TBC1D12: variants seen among roughly 807,000 people sequenced by gnomAD.
TBC1D12 encodes TBC1 domain family, member 12.
Under a neutral mutation model 86.7 loss-of-function variants are expected in TBC1D12, and 56 were observed. The ratio of observed to expected loss-of-function variants is 0.65; its 90% CI spans 0.52 to 0.81. The LOEUF (loss-of-function observed/expected upper bound fraction) is 0.81. Ranked by LOEUF, TBC1D12 falls within the 30% of genes least tolerant of loss-of-function variation. The probability of loss-of-function intolerance (pLI) is 0.00; values close to 1 mark genes in which losing one functional copy is unlikely to be tolerated. For synonymous variants in TBC1D12, 421 were observed against 411.7 expected (o/e 1.02, Z -0.27); for missense variants, 1,023 against 1,038.8 (o/e 0.98, Z 0.21).
chr10:94,493,514 T>C, intron 4 of TBC1D12, 67 bp downstream of exon 4: 1 of 1,135,904 alleles, frequency 8.8e-7, no homozygotes, highest in Non-Finnish European at 1.3e-6. Context: ...GTAAAATTCA[T>C]CAAGTCTGTC....
At chr10:94,441,202 G>A (rs896829648) in intron 1 of TBC1D12, among the ~76,000 whole-genome samples, 3 of 151,308 alleles carry the variant, frequency 2.0e-5, no homozygotes, top group Admixed American at 2.0e-4. Context: ...TTCTTCCTTG[G>A]TTATATATTG....
At chr10:94,457,388 G>A (rs895897776) in intron 2 of TBC1D12, among the ~76,000 whole-genome samples, 13 of 152,172 alleles carry the variant, frequency 8.5e-5, no homozygotes, top group African/African-American at 2.9e-4. Context: ...ATACACTTTG[G>A]CAGTCTCTGT....
At chr10:94,429,734 C>T (rs1210152454) in intron 1 of TBC1D12, among the ~76,000 whole-genome samples, 1 of 151,820 alleles carries the variant, frequency 6.6e-6, no homozygotes, top group Non-Finnish European at 1.5e-5. Context: ...TGATTCTATC[C>T]CCTCCACTTT....
chr10:94,495,521 A>T (rs1435464191), intron 4 of TBC1D12, among the ~76,000 whole-genome samples: 2 of 152,180 alleles, frequency 1.3e-5, no homozygotes, highest in East Asian at 3.9e-4. Context: ...TTACTATGTA[A>T]GATAACTATT....
intron 9 of TBC1D12, among the ~76,000 whole-genome samples, chr10:94,513,283 A>G (rs577940110): frequency 6.7e-6 from 1 of 150,186 alleles, no homozygotes; most frequent in Non-Finnish European, 1.5e-5. Flanking sequence ...GGCTGGGCAC[A>G]GTGTCTCATA....
chr10:94,461,522 C>G (rs553556409), intron 2 of TBC1D12, among the ~76,000 whole-genome samples: 3 of 152,330 alleles, frequency 2.0e-5, no homozygotes, highest in Admixed American at 2.0e-4. Context: ...CCACAGTACT[C>G]AGTCTGAGGA....
intron 4 of TBC1D12, among the ~76,000 whole-genome samples, chr10:94,495,484 ATT>A (rs1332821528): frequency 6.6e-6 from 1 of 152,180 alleles, no homozygotes; most frequent in Non-Finnish European, 1.5e-5. Flanking sequence ...TTAAGTTTTT[ATT>A]AATTTTAAAA....
intron 2 of TBC1D12, among the ~76,000 whole-genome samples, chr10:94,471,309 G>C (rs115619055): frequency 0.012 from 1,793 of 148,600 alleles, 40 homozygotes; most frequent in African/African-American, 0.042. Flanking sequence ...CATTCCTCTC[G>C]TAGATACATA....
intron 6 of TBC1D12, among the ~76,000 whole-genome samples, chr10:94,506,202 A>G (rs1024290724): frequency 6.6e-6 from 1 of 151,686 alleles, no homozygotes; most frequent in African/African-American, 2.4e-5. Flanking sequence ...ATGCCCAGCT[A>G]AATTTTTTGT....
chr10:94,507,723 C>T (rs2056478228), intron 7 of TBC1D12, among the ~76,000 whole-genome samples: 1 of 152,150 alleles, frequency 6.6e-6, no homozygotes, highest in South Asian at 2.1e-4. Context: ...GGATGGCTCA[C>T]ACCTGTAATC....
chr10:94,495,972 G>A (rs2056315338), intron 4 of TBC1D12, among the ~76,000 whole-genome samples: 1 of 152,022 alleles, frequency 6.6e-6, no homozygotes, highest in Non-Finnish European at 1.5e-5. Context: ...GCATGGTGGT[G>A]TGACCCTGTA....
At chr10:94,439,751 A>G (rs986368276) in intron 1 of TBC1D12, among the ~76,000 whole-genome samples, 2 of 152,192 alleles carry the variant, frequency 1.3e-5, no homozygotes, top group Non-Finnish European at 2.9e-5. Flanking sequence ...TTTTTCTGTT[A>G]TCTTAGAGCA....
chr10:94,431,017 A>T (rs376234227), intron 1 of TBC1D12, among the ~76,000 whole-genome samples: 2 of 152,162 alleles, frequency 1.3e-5, no homozygotes, highest in Non-Finnish European at 2.9e-5. Flanking sequence ...TGGTATTTAT[A>T]TAGTGTTGAT....
At chr10:94,518,832 T>C (rs1842068413) in intron 9 of TBC1D12, among the ~76,000 whole-genome samples, 1 of 152,148 alleles carries the variant, frequency 6.6e-6, no homozygotes. Context: ...CCCAGCACCT[T>C]AGGAGGTCAA....
chr10:94,450,648 A>G (rs932862722), intron 2 of TBC1D12, among the ~76,000 whole-genome samples: 2 of 152,124 alleles, frequency 1.3e-5, no homozygotes, highest in East Asian at 3.8e-4. Context: ...CGATCGAGCA[A>G]TCCCGCTACT....
At chr10:94,443,113 T>A (rs766414674) in intron 2 of TBC1D12, among the ~76,000 whole-genome samples, 3 of 152,176 alleles carry the variant, frequency 2.0e-5, no homozygotes, top group Non-Finnish European at 4.4e-5. Flanking sequence ...AACCAAGATG[T>A]TCACCCCCAT....
rs773715001 is a variant in TBC1D12, at chr10:94,500,238, T to A, written c.1430T>A (p.Val477Asp). 6.2e-7 allele frequency: 1 copy of A among 1,613,680 alleles called. No individual in the cohort carries two copies. The change falls in exon 6 of 13, where the codon GTT becomes GAT. Residue 477 changes from valine to aspartate, a missense_variant. By Grantham distance (152) the Val-to-Asp change is radical. Transcript: ENST00000225235. Reference protein sequence around the residue: ...NWEVMRSTRRVRELWWQGLPP... With the variant: ...NWEVMRSTRRDRELWWQGLPP... Reference sequence around the variant, plus strand: ...AATTCTAGGCGTAGTACAAGAAGAGTTCGAGAATTGTGGTGGCAGGGATTG... The same window carrying A: ...AATTCTAGGCGTAGTACAAGAAGAGATCGAGAATTGTGGTGGCAGGGATTG...
chr10:94,459,111 ATTTTACAGAGAGCTGATTGG>A (rs2055680897), intron 2 of TBC1D12, among the ~76,000 whole-genome samples: 1 of 150,726 alleles, frequency 6.6e-6, no homozygotes, highest in African/African-American at 2.4e-5. Context: ...TGATTGGTCC[ATTTTACAGAGAGCTGATTGG>A]TCCATTTTGA....
At chr10:94,495,668 G>A (rs1589657551) in intron 4 of TBC1D12, among the ~76,000 whole-genome samples, 1 of 151,946 alleles carries the variant, frequency 6.6e-6, no homozygotes. Context: ...TTTCTCATGC[G>A]TAACATGTGA....
Sources: allele counts gnomAD v4.1 joint callset (sites outside exome capture counted in the v4.1 genomes callset), GRCh38; gene constraint gnomAD v4.1.1; transcripts MANE v1.5; gene names NCBI Gene and HGNC (gene_info 2026-07-23, HGNC 2026-07-21).